PNLIPRP3: variants seen among roughly 807,000 people sequenced by gnomAD.
The protein encoded by PNLIPRP3 is pancreatic lipase related protein 3, also known as pancreatic lipase-related protein 3.
PNLIPRP3 carries 58 observed loss-of-function variants against 52.8 expected under a neutral mutation model. That is an observed-to-expected ratio of 1.10 (90% CI 0.89 to 1.37). The LOEUF (loss-of-function observed/expected upper bound fraction) is 1.37, where lower values mean the gene tolerates loss of function less well. PNLIPRP3 is among the 40% of genes most tolerant of loss of function. PNLIPRP3 has a pLI of 0.00. For synonymous variants in PNLIPRP3, 192 were observed against 185.0 expected (o/e 1.04, Z -0.31); for missense variants, 593 against 561.6 (o/e 1.06, Z -0.57).
At chr10:116,429,579 T>C (rs1054547482) in intron 1 of PNLIPRP3, among the ~76,000 whole-genome samples, 2 of 152,208 alleles carry the variant, frequency 1.3e-5, no homozygotes, top group Non-Finnish European at 2.9e-5. Flanking sequence ...GGCCTCCAGC[T>C]CTTCTCTATT....
chr10:116,453,928 C>T lies in PNLIPRP3; in HGVS notation c.457-1794C>T, dbSNP rs1564699158. 1.3e-5 allele frequency among the ~76,000 whole-genome samples: 2 copies of T among 152,014 alleles called. 1 individual carries two copies. The highest frequency in any genetic ancestry group is 4.8e-5 in the African/African-American group (2 of 41,384). ...ATTAGGTATTTGTCTTAATGCTCTC[C>T]CTCCCCTTGTCCCCCACCCCCAACA... is the stretch of plus-strand genomic sequence containing the variant. On this transcript the variant is annotated intron_variant, in intron 4 of 11. Transcript: ENST00000369230.
At chr10:116,474,768 C>A (rs776138593) in intron 10 of PNLIPRP3, among the ~76,000 whole-genome samples, 6 of 152,238 alleles carry the variant, frequency 3.9e-5, no homozygotes, top group Admixed American at 2.0e-4. Flanking sequence ...TCACACCAGT[C>A]AGAATGGCTA....
intron 1 of PNLIPRP3, among the ~76,000 whole-genome samples, chr10:116,436,474 C>G (rs910201995): frequency 6.6e-6 from 1 of 151,904 alleles, no homozygotes; most frequent in African/African-American, 2.4e-5. Context: ...GCACAGGCAA[C>G]GAAATAAAAT....
chr10:116,455,696 C>A, intron 4 of PNLIPRP3, 26 bp from the exon 5 acceptor site: 3 of 1,517,050 alleles, frequency 2.0e-6, no homozygotes, highest in Non-Finnish European at 2.7e-6. Flanking sequence ...TTTTAAAATA[C>A]TTATTCTGTT....
intron 2 of PNLIPRP3, among the ~76,000 whole-genome samples, chr10:116,438,328 C>T (rs1470305071): frequency 6.6e-6 from 1 of 152,116 alleles, no homozygotes; most frequent in Non-Finnish European, 1.5e-5. Context: ...AAAGTGGGGC[C>T]AGAGAAGATC....
intron 5 of PNLIPRP3, among the ~76,000 whole-genome samples, chr10:116,457,073 C>T (rs186234895): frequency 2.2e-4 from 33 of 152,360 alleles, no homozygotes; most frequent in African/African-American, 7.7e-4. Flanking sequence ...TGCCTTTGCA[C>T]GTGCTGTTGT....
intron 1 of PNLIPRP3, 118 bp from the exon 2 acceptor site, chr10:116,436,593 C>T (rs1179781699): frequency 6.6e-6 from 7 of 1,053,724 alleles, no homozygotes; most frequent in African/African-American, 6.4e-5. Context: ...ATTTTCAAGC[C>T]ATAAATCCAA....
chr10:116,448,046 AAGAAAGAAAGAAAAGAAAC>A (rs1845980520), intron 4 of PNLIPRP3, among the ~76,000 whole-genome samples: 1 of 151,250 alleles, frequency 6.6e-6, no homozygotes, highest in African/African-American at 2.4e-5. Context: ...AAGAAAGAGA[AAGAAAGAAAGAAAAGAAAC>A]AGAAAGAAAG....
At chr10:116,475,199 T>A (rs1421782897) in intron 10 of PNLIPRP3, among the ~76,000 whole-genome samples, 1 of 152,130 alleles carries the variant, frequency 6.6e-6, no homozygotes, top group African/African-American at 2.4e-5. Flanking sequence ...AACCAAATAC[T>A]GAATGTTCTC....
intron 7 of PNLIPRP3, 146 bp downstream of exon 7, chr10:116,461,436 T>A (rs1846191502): frequency 2.0e-6 from 2 of 986,130 alleles, no homozygotes; most frequent in African/African-American, 3.3e-5. Flanking sequence ...CTCTCCCACC[T>A]GTTCTCAGAT....
chr10:116,465,588 C>A (rs1376838177), intron 7 of PNLIPRP3, among the ~76,000 whole-genome samples: 7 of 151,914 alleles, frequency 4.6e-5, no homozygotes. Context: ...TCAGAAAGAA[C>A]CAAAAACGTT....
intron 5 of PNLIPRP3, among the ~76,000 whole-genome samples, chr10:116,458,834 T>C (rs745948494): frequency 7.9e-5 from 12 of 152,158 alleles, no homozygotes; most frequent in Non-Finnish European, 1.6e-4. Context: ...TCCTTCTAAA[T>C]GATGCCCTAG....
chr10:116,430,978 A>G (rs1845702125), intron 1 of PNLIPRP3, among the ~76,000 whole-genome samples: 2 of 152,178 alleles, frequency 1.3e-5, no homozygotes, highest in South Asian at 4.1e-4. Flanking sequence ...TGAACTCTCA[A>G]TATCTACCCC....
chr10:116,433,498 T>C (rs546866459), intron 1 of PNLIPRP3, among the ~76,000 whole-genome samples: 1 of 152,026 alleles, frequency 6.6e-6, no homozygotes, highest in East Asian at 1.9e-4. Flanking sequence ...TAACAACGGG[T>C]TTTCATTCTT....
intron 1 of PNLIPRP3, among the ~76,000 whole-genome samples, chr10:116,428,848 A>G (rs572658889): frequency 1.3e-5 from 2 of 152,194 alleles, no homozygotes; most frequent in Non-Finnish European, 2.9e-5. Context: ...TTGAGATAGT[A>G]TGGTGGTAAG....
At chr10:116,455,680 C>G (rs374854050) in intron 4 of PNLIPRP3, 42 bp from the exon 5 acceptor site, 1 of 1,413,290 alleles carries the variant, frequency 7.1e-7, no homozygotes, top group African/African-American at 1.4e-5. Context: ...GCTATTCCAC[C>G]GCTGTTTTTA....
chr10:116,444,596 T>G (rs1008225324), intron 4 of PNLIPRP3, 83 bp downstream of exon 4: 24 of 1,370,538 alleles, frequency 1.8e-5, no homozygotes, highest in Non-Finnish European at 2.3e-5. Flanking sequence ...TTAATGTCTT[T>G]TTTTATTAGC....
chr10:116,467,476 G>T (rs1352243233), intron 8 of PNLIPRP3, among the ~76,000 whole-genome samples: 1 of 152,078 alleles, frequency 6.6e-6, no homozygotes, highest in Non-Finnish European at 1.5e-5. Context: ...TAAATTAAAA[G>T]TTCAAAGCCT....
intron 9 of PNLIPRP3, among the ~76,000 whole-genome samples, chr10:116,469,970 C>CAA (rs34958696): frequency 0.059 from 7,771 of 131,362 alleles, 409 homozygotes; most frequent in East Asian, 0.24. Context: ...ACAATTCAGG[C>CAA]AAAAAAAAAA....
Sources: gnomAD v4.1 joint callset for allele counts (sites outside exome capture counted in the v4.1 genomes callset) on GRCh38, gnomAD v4.1.1 for gene constraint, MANE v1.5 for transcripts, NCBI Gene and HGNC (gene_info 2026-07-23, HGNC 2026-07-21) for gene names.